SKAP1: variants seen among roughly 807,000 people sequenced by gnomAD.
The protein encoded by SKAP1 is src kinase associated phosphoprotein 1, also known as src kinase-associated phosphoprotein 1.
Under a neutral mutation model 58.5 loss-of-function variants are expected in SKAP1, and 44 were observed. That is an observed-to-expected ratio of 0.75 (90% CI 0.59 to 0.97). The LOEUF is 0.97. Ranked by LOEUF, SKAP1 falls within the 50% of genes least tolerant of loss-of-function variation. The probability of loss-of-function intolerance (pLI) is 0.00; values close to 1 mark genes in which losing one functional copy is unlikely to be tolerated. For missense variants in SKAP1, 390 were observed against 435.2 expected (o/e 0.90, Z 0.92); for synonymous variants, 127 against 149.7 (o/e 0.85, Z 1.11).
In SKAP1 at chr17:48,228,856, T is replaced by C. The variant is rs577813028; in HGVS notation, c.281-39356A>G. On this transcript the variant is annotated intron_variant, in intron 4 of 12. Transcript: ENST00000336915. Reference sequence around the variant, plus strand: ...AGAACTAGGCACCACAGAGCTGGGCTAAAGGAGCTGACACTGTGGTGGGAT... The same window carrying C: ...AGAACTAGGCACCACAGAGCTGGGCCAAAGGAGCTGACACTGTGGTGGGAT... Among the ~76,000 whole-genome samples, 99 of 152,298 alleles carry C rather than the reference T, an allele frequency of 6.5e-4. 1 individual carries two copies. Among genetic ancestry groups the C allele is most frequent in the African/African-American group, 2.3e-3 (95 of 41,580 alleles).
chr17:48,330,825 A>G (rs917857597), intron 4 of SKAP1, among the ~76,000 whole-genome samples: 4 of 106,320 alleles, frequency 3.8e-5, no homozygotes, highest in African/African-American at 1.1e-4. Flanking sequence ...CAGGGGGCGG[A>G]AAAAAAAAAA....
intron 4 of SKAP1, among the ~76,000 whole-genome samples, chr17:48,192,334 C>T (rs1442312097): frequency 6.6e-6 from 1 of 151,954 alleles, no homozygotes; most frequent in Non-Finnish European, 1.5e-5. Flanking sequence ...CTTAGAGACA[C>T]AGCTCCTTGT....
intron 1 of SKAP1, among the ~76,000 whole-genome samples, chr17:48,407,413 A>G (rs1298365183): frequency 6.6e-6 from 1 of 152,230 alleles, no homozygotes; most frequent in African/African-American, 2.4e-5. Flanking sequence ...TCTGATAAGA[A>G]AGAAAAAGAG....
chr17:48,433,799 A>C (rs1387924071), upstream of SKAP1, among the ~76,000 whole-genome samples: 1 of 152,122 alleles, frequency 6.6e-6, no homozygotes, highest in African/African-American at 2.4e-5. Flanking sequence ...AAGACACAGA[A>C]AATAGGGCCC....
At position 48,302,141 on chromosome 17, in the gene SKAP1, C is replaced by T. The variant is rs545342066; in HGVS notation, c.280+43764G>A. On this transcript the variant is annotated intron_variant, in intron 4 of 12. Coordinates refer to ENST00000336915, the MANE Select transcript of SKAP1 (RefSeq NM_003726.4). ...TAGCCAAACTTATCAAGTGAGTCTC[C>T]CACTGACCCAAACATAAACCACTTT... Among the ~76,000 whole-genome samples, 9 of 152,160 alleles carry T rather than the reference C, an allele frequency of 5.9e-5. 1 individual carries two copies. The highest frequency in any genetic ancestry group is 4.2e-4 in the South Asian group (2 of 4,810).
At chr17:48,203,913 A>C (rs2064760631) in intron 4 of SKAP1, 1 of 152,194 alleles carries the variant, frequency 6.6e-6, no homozygotes, top group South Asian at 2.1e-4. Flanking sequence ...AATACTTTAC[A>C]TTTGGATAAC....
At chr17:48,237,481 A>G (rs776504432) in intron 4 of SKAP1, among the ~76,000 whole-genome samples, 1 of 152,212 alleles carries the variant, frequency 6.6e-6, no homozygotes, top group Non-Finnish European at 1.5e-5. Context: ...CTGCCTTACT[A>G]AAGATTGTGT....
chr17:48,386,326 G>GTTTTA (rs1567893783), intron 2 of SKAP1, among the ~76,000 whole-genome samples: 5 of 133,714 alleles, frequency 3.7e-5, no homozygotes, highest in African/African-American at 8.3e-5. Context: ...TTTTTTTTTG[G>GTTTTA]TGACTATAAG....
At chr17:48,298,975 T>C (rs890015409) in intron 4 of SKAP1, among the ~76,000 whole-genome samples, 1 of 152,180 alleles carries the variant, frequency 6.6e-6, no homozygotes. Context: ...ATTTTGACCA[T>C]CAGAAACTGG....
intron 1 of SKAP1, among the ~76,000 whole-genome samples, chr17:48,429,481 G>A (rs1418840514): frequency 6.6e-6 from 1 of 152,206 alleles, no homozygotes; most frequent in Non-Finnish European, 1.5e-5. Flanking sequence ...AGAAAAGGAG[G>A]AAATCCCATA....
intron 4 of SKAP1, among the ~76,000 whole-genome samples, chr17:48,342,214 A>G (rs139079970): frequency 5.3e-4 from 81 of 152,252 alleles, no homozygotes; most frequent in African/African-American, 1.9e-3. Flanking sequence ...AGAAATCTAA[A>G]TGTTATTACT....
intron 4 of SKAP1, among the ~76,000 whole-genome samples, chr17:48,192,920 G>T (rs749491557): frequency 4.6e-5 from 7 of 152,264 alleles, no homozygotes; most frequent in Middle Eastern, 6.8e-3. Flanking sequence ...GGTACCAAAG[G>T]AGCTGCTGAA....
At chr17:48,313,165 C>T (rs947996007) in intron 4 of SKAP1, among the ~76,000 whole-genome samples, 5 of 151,634 alleles carry the variant, frequency 3.3e-5, no homozygotes, top group East Asian at 1.9e-4. Context: ...TGGGAGGGCG[C>T]GGCTGGTGTG....
At chr17:48,383,163 C>T (rs72827854) in intron 2 of SKAP1, among the ~76,000 whole-genome samples, 12,260 of 152,246 alleles carry the variant, frequency 0.081, 638 homozygotes, top group East Asian at 0.2. Context: ...TTAGTTGATT[C>T]CATTTCTCTT....
At chr17:48,311,153 C>CCGTCT (rs1454158890) in intron 4 of SKAP1, among the ~76,000 whole-genome samples, 3 of 152,122 alleles carry the variant, frequency 2.0e-5, no homozygotes, top group Non-Finnish European at 4.4e-5. Context: ...CCATCTGTTC[C>CCGTCT]CGTCTCGGAG....
intron 1 of SKAP1, among the ~76,000 whole-genome samples, chr17:48,398,679 G>A (rs746775671): frequency 3.9e-5 from 6 of 151,954 alleles, no homozygotes; most frequent in Admixed American, 1.3e-4. Context: ...TTATATTCAC[G>A]TCATTTAACA....
At chr17:48,330,214 C>T (rs1039505654) in intron 4 of SKAP1, among the ~76,000 whole-genome samples, 3 of 151,906 alleles carry the variant, frequency 2.0e-5, no homozygotes, top group African/African-American at 4.8e-5. Flanking sequence ...ATGGTATTAT[C>T]GATTCCAGTT....
the SKAP1 span, among the ~76,000 whole-genome samples, chr17:48,442,656 G>C: frequency 6.6e-6 from 1 of 152,028 alleles, no homozygotes; most frequent in Admixed American, 6.5e-5. Context: ...AACCCTGGGG[G>C]GTCATCTTTC....
intron 4 of SKAP1, among the ~76,000 whole-genome samples, chr17:48,282,630 C>A (rs917777796): frequency 9.2e-5 from 14 of 151,944 alleles, no homozygotes; most frequent in African/African-American, 3.4e-4. Context: ...AAAAGTCAGC[C>A]AAGCATTGTG....
Sources: gnomAD v4.1 joint callset for allele counts (sites outside exome capture counted in the v4.1 genomes callset) on GRCh38, gnomAD v4.1.1 for gene constraint, MANE v1.5 for transcripts, NCBI Gene and HGNC (gene_info 2026-07-23, HGNC 2026-07-21) for gene names.